The following NRXN1 variants were observed in gnomAD, a reference collection of about 807,000 sequenced individuals.
The protein encoded by NRXN1 is neurexin 1.
A neutral mutation model predicts 150.9 loss-of-function variants in NRXN1; 39 were observed. The observed-to-expected ratio is 0.26, with a 90% CI of 0.20 to 0.34. The LOEUF is 0.34. NRXN1 is among the 10% of genes least tolerant of loss of function. The probability of loss-of-function intolerance (pLI) is 1.00; values close to 1 mark genes in which losing one functional copy is unlikely to be tolerated. For synonymous variants in NRXN1, 924 were observed against 757.0 expected, an observed-to-expected ratio of 1.22 and a Z score of -3.62; for missense variants, 1,815 against 1,949.9, an observed-to-expected ratio of 0.93 and a Z score of 1.30.
At chr2:50,253,196 G>A (rs1418568286) in intron 17 of NRXN1, among the ~76,000 whole-genome samples, 2 of 152,026 alleles carry the variant, frequency 1.3e-5, no homozygotes, top group South Asian at 4.1e-4. Flanking sequence ...GTTCATTCAC[G>A]ATTTGACTCT....
chr2:50,892,377 A>G (rs1395139696), intron 5 of NRXN1, among the ~76,000 whole-genome samples: 1 of 152,186 alleles, frequency 6.6e-6, no homozygotes, highest in Non-Finnish European at 1.5e-5. Context: ...TGAGAGATCA[A>G]TATCTCCTAA....
chr2:50,920,947 G>C (rs1430793813), intron 5 of NRXN1, among the ~76,000 whole-genome samples: 1 of 151,622 alleles, frequency 6.6e-6, no homozygotes, highest in Non-Finnish European at 1.5e-5. Flanking sequence ...TTTCCTGCTA[G>C]ATGACACAAA....
Position 50,131,487 on chromosome 2 carries a change from G to A in NRXN1, c.3547-39993C>T, listed in dbSNP as rs191038165. ...GGAGGTTTAACTGTCATTAAGATGCGAATGACTCTTCCAGAGGACATGGAC... is the reference window on the plus strand; with the variant it reads ...GGAGGTTTAACTGTCATTAAGATGCAAATGACTCTTCCAGAGGACATGGAC... On this transcript the variant is annotated intron_variant, in intron 18 of 22. Transcript: ENST00000401669. Among the ~76,000 whole-genome samples the A allele has an allele frequency of 1.3e-3, 201 of 152,218 alleles. No homozygotes were observed. The Middle Eastern group carries it at 0.014, about 10-fold the overall frequency.
chr2:50,736,518 G>A (rs967154270), intron 5 of NRXN1, among the ~76,000 whole-genome samples: 2 of 152,120 alleles, frequency 1.3e-5, no homozygotes, highest in African/African-American at 4.8e-5. Flanking sequence ...ATTCCCATCT[G>A]TTATAGGGCG....
intron 2 of NRXN1, among the ~76,000 whole-genome samples, chr2:50,981,243 G>A (rs975351484): frequency 6.6e-6 from 1 of 151,718 alleles, no homozygotes. Context: ...GATCACTTGA[G>A]GCCAAGAGTT....
chr2:50,450,551 T>C (rs1286416304), intron 17 of NRXN1, among the ~76,000 whole-genome samples: 1 of 152,192 alleles, frequency 6.6e-6, no homozygotes, highest in African/African-American at 2.4e-5. Flanking sequence ...TTTCTCATTA[T>C]GTTTTGCACA....
intron 5 of NRXN1, among the ~76,000 whole-genome samples, chr2:50,770,283 A>G (rs1574416938): frequency 6.6e-6 from 1 of 152,042 alleles, no homozygotes; most frequent in East Asian, 1.9e-4. Flanking sequence ...GACTGTAGGT[A>G]TATATATTTG....
At chr2:50,275,697 T>C (rs1377157881) in intron 17 of NRXN1, among the ~76,000 whole-genome samples, 1 of 152,116 alleles carries the variant, frequency 6.6e-6, no homozygotes, top group Non-Finnish European at 1.5e-5. Context: ...ACATTACCAA[T>C]CAGTAGTTCA....
intron 8 of NRXN1, among the ~76,000 whole-genome samples, chr2:50,573,044 TGAGTTAAAA>T (rs1670883407): frequency 1.3e-4 from 20 of 152,218 alleles, no homozygotes; most frequent in Admixed American, 1.1e-3. Flanking sequence ...ACTTTTACGG[TGAGTTAAAA>T]ATGCATTATT....
At chr2:50,561,232 A>G (rs1201193545) in intron 8 of NRXN1, among the ~76,000 whole-genome samples, 1 of 152,224 alleles carries the variant, frequency 6.6e-6, no homozygotes, top group Non-Finnish European at 1.5e-5. Flanking sequence ...TCCTTGGGTT[A>G]GCAGCTCTAT....
At chr2:50,875,053 C>T (rs910397915) in intron 5 of NRXN1, among the ~76,000 whole-genome samples, 1 of 151,698 alleles carries the variant, frequency 6.6e-6, no homozygotes, top group African/African-American at 2.4e-5. Flanking sequence ...ATTCTGCTCC[C>T]AGGAGTTGTT....
intron 17 of NRXN1, among the ~76,000 whole-genome samples, chr2:50,464,820 C>A (rs957331308): frequency 1.3e-5 from 2 of 151,880 alleles, no homozygotes; most frequent in Non-Finnish European, 2.9e-5. Flanking sequence ...CAAACCCTCA[C>A]TGCTGTGATA....
At chr2:50,276,139 A>G (rs1288143400) in intron 17 of NRXN1, among the ~76,000 whole-genome samples, 1 of 152,100 alleles carries the variant, frequency 6.6e-6, no homozygotes, top group Non-Finnish European at 1.5e-5. Flanking sequence ...GAACAACCAC[A>G]ACAAAAAAAG....
At chr2:50,867,223 C>T (rs1574763677) in intron 5 of NRXN1, among the ~76,000 whole-genome samples, 1 of 151,834 alleles carries the variant, frequency 6.6e-6, no homozygotes, top group Admixed American at 6.6e-5. Flanking sequence ...CTTCCCATCT[C>T]CTATGTAGTG....
rs1356354623 is a variant in NRXN1, at chr2:49,922,073, C to A, written c.4395G>T (p.Val1465=). ...TACTGATGTAGTTTCGACTCTCGTC[C>A]ACATGGTATGAGCCTTCATCCCGGT... The part of the protein sequence containing the change: ...YRNRDEGSYH[V]DESRNYISNS... Residue 1465 remains valine, a synonymous_variant, in exon 23 of 23, where the codon GTG becomes GTT. Coordinates refer to ENST00000401669, the MANE Select transcript of NRXN1 (RefSeq NM_001330078.2). The A allele has an allele frequency of 6.2e-7, 1 of 1,613,960 alleles. No individual in the cohort carries two copies. The highest frequency in any genetic ancestry group is 8.5e-7 in the Non-Finnish European group (1 of 1,180,026).
intron 17 of NRXN1, among the ~76,000 whole-genome samples, chr2:50,331,283 C>T (rs542378818): frequency 2.0e-5 from 3 of 151,896 alleles, no homozygotes; most frequent in Admixed American, 6.6e-5. Context: ...AGATTTTTTA[C>T]CTTAAAAAAT....
chr2:51,000,543 CA>C (rs10717666), intron 2 of NRXN1, among the ~76,000 whole-genome samples: 95,499 of 151,030 alleles, frequency 0.63, 30,520 homozygotes, highest in East Asian at 0.75. Context: ...TTACTATTAC[CA>C]AAAAAAACAG....
At chr2:50,426,268 A>C (rs1010816171) in intron 17 of NRXN1, among the ~76,000 whole-genome samples, 32 of 152,222 alleles carry the variant, frequency 2.1e-4, no homozygotes, top group African/African-American at 7.7e-4. Flanking sequence ...TGTGTTTCTT[A>C]GTTGCTGTAA....
chr2:50,049,305 A>C (rs1033700889), intron 21 of NRXN1, among the ~76,000 whole-genome samples: 6 of 152,168 alleles, frequency 3.9e-5, no homozygotes, highest in Middle Eastern at 3.2e-3. Context: ...AATCATGAGA[A>C]GACCTAATTA....
Sources: allele counts gnomAD v4.1 joint callset (sites outside exome capture counted in the v4.1 genomes callset), GRCh38; gene constraint gnomAD v4.1.1; transcripts MANE v1.5; gene names NCBI Gene and HGNC (gene_info 2026-07-23, HGNC 2026-07-21).